NIPA2: variants seen among roughly 807,000 people sequenced by gnomAD.
The protein encoded by NIPA2 is NIPA magnesium transporter 2.
Under a neutral mutation model 29.7 loss-of-function variants are expected in NIPA2, and 11 were observed. The ratio of observed to expected loss-of-function variants is 0.37; its 90% confidence interval spans 0.23 to 0.61. The LOEUF (loss-of-function observed/expected upper bound fraction) is 0.61, where lower values mean the gene tolerates loss of function less well. NIPA2 is among the 20% of genes least tolerant of loss of function. NIPA2 has a pLI of 0.66. For synonymous variants in NIPA2, 183 were observed against 161.9 expected (o/e 1.13, Z -0.99); for missense variants, 426 against 437.9 (o/e 0.97, Z 0.24).
intron 3 of NIPA2, among the ~76,000 whole-genome samples, chr15:22,850,897 T>C (rs910319115): frequency 2.0e-5 from 3 of 152,214 alleles, no homozygotes; most frequent in Non-Finnish European, 4.4e-5. Flanking sequence ...TAAACCTTGT[T>C]GCTAAAAACT....
chr15:22,850,436 C>G (rs1235402609), intron 3 of NIPA2, among the ~76,000 whole-genome samples: 1 of 152,150 alleles, frequency 6.6e-6, no homozygotes, highest in Non-Finnish European at 1.5e-5. Context: ...ATAGTCTTCT[C>G]ATTGAATCAT....
chr15:22,863,817 G>T (rs901329450), intron 7 of NIPA2, among the ~76,000 whole-genome samples: 1 of 152,160 alleles, frequency 6.6e-6, no homozygotes, highest in Non-Finnish European at 1.5e-5. Flanking sequence ...TGAGTGTTGG[G>T]CTGATTCTTC....
At chr15:22,846,057 A>T (rs1433073026) in intron 3 of NIPA2, among the ~76,000 whole-genome samples, 1 of 152,176 alleles carries the variant, frequency 6.6e-6, no homozygotes. Context: ...TGTCAGTGAG[A>T]GAGGGATTTC....
At chr15:22,843,350 A>G (rs1391998108) in intron 2 of NIPA2, among the ~76,000 whole-genome samples, 1 of 150,990 alleles carries the variant, frequency 6.6e-6, no homozygotes, top group African/African-American at 2.4e-5. Context: ...CTAAAAATAC[A>G]AAAAAATTAG....
chr15:22,840,442 C>T (rs554685420), intron 2 of NIPA2, among the ~76,000 whole-genome samples: 1 of 151,996 alleles, frequency 6.6e-6, no homozygotes, highest in South Asian at 2.1e-4. Context: ...GGGTTACAGG[C>T]GCCGGCGACC....
At chr15:22,853,523 C>T (rs528655970) in intron 5 of NIPA2, among the ~76,000 whole-genome samples, 2 of 151,720 alleles carry the variant, frequency 1.3e-5, no homozygotes, top group East Asian at 3.9e-4. Context: ...ACAGGCGTGC[C>T]ACCACCACGC....
intron 3 of NIPA2, among the ~76,000 whole-genome samples, chr15:22,848,948 A>G (rs1008458809): frequency 6.6e-6 from 1 of 152,074 alleles, no homozygotes; most frequent in Admixed American, 6.6e-5. Context: ...AAGGGCGAAT[A>G]TCATGCAGGA....
chr15:22,839,306 C>A (rs964749734), intron 1 of NIPA2: 3 of 152,180 alleles, frequency 2.0e-5, no homozygotes, highest in Admixed American at 1.3e-4. Context: ...AATCCTATTT[C>A]CCTCTCTATA....
intron 7 of NIPA2, among the ~76,000 whole-genome samples, chr15:22,862,915 TTTTG>T (rs2058720176): frequency 6.8e-6 from 1 of 147,686 alleles, no homozygotes; most frequent in Non-Finnish European, 1.5e-5. Context: ...TTTTTTTTTT[TTTTG>T]GAGACAGTAT....
intron 3 of NIPA2, among the ~76,000 whole-genome samples, chr15:22,846,796 A>T (rs1898767641): frequency 6.7e-6 from 1 of 148,220 alleles, no homozygotes; most frequent in Non-Finnish European, 1.5e-5. Flanking sequence ...AGCCTGGGTG[A>T]CAGAATGAGA....
At chr15:22,844,635 G>C (rs561150994) in intron 2 of NIPA2, among the ~76,000 whole-genome samples, 1 of 151,978 alleles carries the variant, frequency 6.6e-6, no homozygotes, top group Non-Finnish European at 1.5e-5. Flanking sequence ...TACGCCTGTG[G>C]TCCTGTTGAT....
intron 3 of NIPA2, among the ~76,000 whole-genome samples, chr15:22,850,335 A>G: frequency 6.6e-6 from 1 of 152,080 alleles, no homozygotes; most frequent in East Asian, 1.9e-4. Context: ...CTCTAGGTGT[A>G]GACTCAGAAC....
intron 3 of NIPA2, among the ~76,000 whole-genome samples, chr15:22,846,902 G>T (rs1314894752): frequency 7.1e-4 from 100 of 141,604 alleles, no homozygotes; most frequent in Non-Finnish European, 1.0e-3. Context: ...TTTTGTTGTT[G>T]TTTTTTTTTT....
At chr15:22,841,170 CTACAT>C (rs1449273586) in intron 2 of NIPA2, among the ~76,000 whole-genome samples, 2 of 152,094 alleles carry the variant, frequency 1.3e-5, no homozygotes, top group Non-Finnish European at 2.9e-5. Context: ...AAAAAAGTAA[CTACAT>C]GAGATGATAG....
chr15:22,853,372 ATCTT>A, intron 5 of NIPA2, 104 bp downstream of exon 5: 1 of 635,736 alleles, frequency 1.6e-6, no homozygotes, highest in Non-Finnish European at 2.6e-6. Flanking sequence ...GGTTTAAATA[ATCTT>A]TTTTTTTTTT....
Position 22,851,723 on chromosome 15 carries a change from A to T in NIPA2, c.-9A>T, listed in dbSNP as rs761116061. ...GTGATTCACAGGAACTCCTTAAGTA[A>T]CAAACGAAATGAGCCAGGGGCGTGG... On this transcript the variant is annotated 5_prime_UTR_variant, in exon 4 of 8. Coordinates refer to ENST00000337451, the MANE Select transcript of NIPA2 (RefSeq NM_030922.7). 1.9e-6 allele frequency: 3 copies of T among 1,605,460 alleles called. No individual in the cohort carries two copies. The highest frequency in any genetic ancestry group is 1.1e-5 in the South Asian group (1 of 89,072).
chr15:22,858,246 T>C lies in NIPA2; in HGVS notation c.197-294T>C, dbSNP rs868503318. On this transcript the variant is annotated intron_variant, in intron 5 of 7. Transcript: ENST00000337451. The stretch of plus-strand genomic sequence containing the variant: ...GTCTCTACTAAAAATACAAAAAAAT[T>C]AGCTGGGCATAGTGGCGAGTGCCTG... 4.6e-5 allele frequency among the ~76,000 whole-genome samples: 7 copies of C among 151,988 alleles called. No homozygotes were observed. The South Asian group carries it at 6.2e-4, about 14-fold the overall frequency.
rs1339702909 is a variant in NIPA2, at chr15:22,868,130, A to T, written c.*1283A>T. ...CCCCTGCCAATGGTGCTGGTATCCC[A>T]TGCAGCTCACCACTGGCTGCGTGGA... On this transcript the variant is annotated 3_prime_UTR_variant, in exon 8 of 8. Transcript: ENST00000337451. 1 of 152,388 alleles carries T rather than the reference A, an allele frequency of 6.6e-6. No homozygotes were observed. Among genetic ancestry groups the T allele is most frequent in the East Asian group, 1.9e-4 (1 of 5,196 alleles). 9.4% of individuals were successfully genotyped at this position (152,388 alleles called of 1,614,324 possible). A position where few individuals can be genotyped will look rare whatever the true frequency, so the allele number is the denominator to read the frequency against.
At chr15:22,862,049 C>T (rs866086019) in intron 7 of NIPA2, among the ~76,000 whole-genome samples, 40 of 103,936 alleles carry the variant, frequency 3.8e-4, no homozygotes, top group Admixed American at 2.1e-3. Flanking sequence ...ATGGGTCTCT[C>T]TTTTTTTTTT....
Sources: gnomAD v4.1 joint callset for allele counts (sites outside exome capture counted in the v4.1 genomes callset) on GRCh38, gnomAD v4.1.1 for gene constraint, MANE v1.5 for transcripts, NCBI Gene and HGNC (gene_info 2026-07-23, HGNC 2026-07-21) for gene names.